GAK: variants seen among roughly 807,000 people sequenced by gnomAD.
GAK encodes cyclin-G-associated kinase.
A neutral mutation model predicts 143.9 loss-of-function variants in GAK; 79 were observed. The observed-to-expected ratio is 0.55, with a 90% CI of 0.46 to 0.66. The LOEUF is 0.66. Ranked by LOEUF, GAK falls within the 30% of genes least tolerant of loss-of-function variation. The probability of loss-of-function intolerance (pLI) is 0.00; values close to 1 mark genes in which losing one functional copy is unlikely to be tolerated. For missense variants in GAK, 1,693 were observed against 1,779.7 expected (o/e 0.95, Z 0.88); for synonymous variants, 881 against 765.5 (o/e 1.15, Z -2.49).
At chr4:903,487 C>T (rs1015701109) in intron 5 of GAK, among the ~76,000 whole-genome samples, 3 of 152,038 alleles carry the variant, frequency 2.0e-5, no homozygotes, top group African/African-American at 7.3e-5. Context: ...TCCAAGAGGC[C>T]GAACCAGGGA....
intron 22 of GAK, among the ~76,000 whole-genome samples, chr4:865,922 C>A (rs1450342233): frequency 6.6e-6 from 1 of 152,260 alleles, no homozygotes; most frequent in African/African-American, 2.4e-5. Flanking sequence ...CTGACCTCCT[C>A]CCCATGGATA....
At chr4:855,235 C>T (rs1201978489) in intron 24 of GAK, among the ~76,000 whole-genome samples, 9 of 152,076 alleles carry the variant, frequency 5.9e-5, no homozygotes, top group Non-Finnish European at 1.2e-4. Flanking sequence ...TCCCTTCACT[C>T]GCATCTCCTC....
intron 9 of GAK, among the ~76,000 whole-genome samples, chr4:891,220 C>CA (rs901063648): frequency 5.9e-5 from 9 of 151,856 alleles, no homozygotes; most frequent in African/African-American, 2.2e-4. Flanking sequence ...CTCGGCTTCC[C>CA]AAAGTGCTAG....
At chr4:915,777 C>T (rs1324130261) in intron 1 of GAK, 2 of 152,172 alleles carry the variant, frequency 1.3e-5, no homozygotes, top group African/African-American at 4.8e-5. Context: ...GGTGCAATGT[C>T]GAATCCTCCC....
At chr4:859,158 C>A (rs530167359) in intron 24 of GAK, 5 of 983,778 alleles carry the variant, frequency 5.1e-6, no homozygotes, top group Admixed American at 1.2e-4. Context: ...GACGTGGGAC[C>A]GGAGACTCAG....
In GAK at chr4:888,929, G is replaced by C; in HGVS notation, c.1123C>G (p.Leu375Val). Reference sequence around the variant, plus strand: ...TCTGTCCCACCCCGCAGAATGTCCAGGAAGCCGCCATACGGCTGGTCGTAC... The same window carrying C: ...TCTGTCCCACCCCGCAGAATGTCCACGAAGCCGCCATACGGCTGGTCGTAC... ...AEYDQPYGGF[L>V]DILRGGTERL... is the part of the protein sequence containing the mutation. Residue 375 changes from leucine (L) to valine (V), a missense_variant, in exon 11 of 28, where the codon CTG (leucine) becomes GTG (valine). By Grantham distance (32) the Leu-to-Val change is conservative (BLOSUM62 1). Coordinates refer to ENST00000314167, the MANE Select transcript of GAK (RefSeq NM_005255.4). 1 of 1,612,480 alleles carries C rather than the reference G, an allele frequency of 6.2e-7. No individual in the cohort carries two copies. The highest frequency in any genetic ancestry group is 8.5e-7 in the Non-Finnish European group (1 of 1,179,716).
intron 13 of GAK, 26 bp downstream of exon 13, chr4:883,289 C>T (rs764156053): frequency 6.2e-7 from 1 of 1,610,568 alleles, no homozygotes; most frequent in Non-Finnish European, 8.5e-7. Context: ...CAGAGTGGCA[C>T]CAAGACAAAG....
chr4:874,263 C>T (rs1418743293), intron 18 of GAK, among the ~76,000 whole-genome samples: 1 of 152,154 alleles, frequency 6.6e-6, no homozygotes, highest in Non-Finnish European at 1.5e-5. Context: ...ACCCACAGGA[C>T]GTTAGTATTG....
chr4:916,104 A>G (rs76160568), intron 1 of GAK, among the ~76,000 whole-genome samples: 1,663 of 152,308 alleles, frequency 0.011, 15 homozygotes, highest in Non-Finnish European at 0.017. Context: ...CAAAAGCAGG[A>G]CCCATAAAAG....
At chr4:858,798 T>G (rs1305788615) in intron 24 of GAK, among the ~76,000 whole-genome samples, 3 of 152,092 alleles carry the variant, frequency 2.0e-5, no homozygotes, top group East Asian at 1.9e-4. Flanking sequence ...TCACAGGAAT[T>G]TGAGGCACTC....
chr4:851,439 CT>C, intron 25 of GAK: 1 of 512,280 alleles, frequency 2.0e-6, no homozygotes, highest in Non-Finnish European at 3.5e-6. Flanking sequence ...CCAATTCCAC[CT>C]GCTGCCCCCG....
intron 5 of GAK, among the ~76,000 whole-genome samples, chr4:902,096 G>A (rs890801967): frequency 1.3e-5 from 2 of 152,176 alleles, no homozygotes; most frequent in East Asian, 1.9e-4. Context: ...AAATTAGCCC[G>A]GCGTGGTGGC....
In GAK at chr4:865,261, A is replaced by C. The variant is rs201339375; in HGVS notation, c.3044-17T>G. On this transcript the variant is annotated splice_polypyrimidine_tract_variant and intron_variant, in intron 22 of 27. Coordinates refer to ENST00000314167, the MANE Select transcript of GAK (RefSeq NM_005255.4). ...GCAGATCCCCTGGGAAGAAGGAACCAGAAGAGAGCACAGTTTGGTGTCTCA... is the reference window on the plus strand; with the variant it reads ...GCAGATCCCCTGGGAAGAAGGAACCCGAAGAGAGCACAGTTTGGTGTCTCA... 1.9e-6 allele frequency: 3 copies of C among 1,612,844 alleles called. No homozygotes were observed. The highest frequency in any genetic ancestry group is 3.3e-5 in the Admixed American group (2 of 59,980).
chr4:885,128 C>A (rs374626509), intron 11 of GAK, among the ~76,000 whole-genome samples: 2 of 151,224 alleles, frequency 1.3e-5, no homozygotes, highest in Non-Finnish European at 2.9e-5. Context: ...CTAAACCCAC[C>A]GAGCAGGTGC....
At chr4:888,783 G>A (rs1406919063) in intron 11 of GAK, 64 bp downstream of exon 11, 8 of 1,542,994 alleles carry the variant, frequency 5.2e-6, no homozygotes, top group Non-Finnish European at 7.0e-6. Context: ...CAGGAAGCAA[G>A]GGCCGGGGCT....
chr4:907,832 G>T (rs1052962347), intron 4 of GAK, among the ~76,000 whole-genome samples: 1 of 152,224 alleles, frequency 6.6e-6, no homozygotes, highest in Non-Finnish European at 1.5e-5. Flanking sequence ...GCTCTCAGCC[G>T]CACATGCTGC....
chr4:849,733 G>A lies in GAK; in HGVS notation c.3876C>T (p.Phe1292=), dbSNP rs561026203. 2.5e-6 allele frequency: 4 copies of A among 1,613,522 alleles called. No homozygotes were observed. In the East Asian group the frequency reaches 6.7e-5, roughly 27 times the overall value. ...CCGACCAGGCGTCATTCAGCTCCAT[G>A]AAGATCATCTTGGCGTGCTGCTCGT... The part of the protein sequence containing the change: ...QPYEQHAKMI[F]MELNDAWSEF... The change falls in exon 28 of 28, where the codon TTC becomes TTT. Residue 1292 remains phenylalanine, a synonymous_variant. Transcript: ENST00000314167.
intron 5 of GAK, among the ~76,000 whole-genome samples, chr4:903,267 G>A (rs536939021): frequency 1.2e-4 from 18 of 152,322 alleles, no homozygotes; most frequent in South Asian, 8.3e-4. Flanking sequence ...CCCACATCAC[G>A]CCAACCCCGG....
intron 1 of GAK, among the ~76,000 whole-genome samples, chr4:926,737 G>C (rs1319365091): frequency 6.6e-6 from 1 of 152,114 alleles, no homozygotes; most frequent in Admixed American, 6.5e-5. Context: ...CCAGGGGGCA[G>C]CTACTCTGTG....
Sources: gnomAD v4.1 joint callset for allele counts (sites outside exome capture counted in the v4.1 genomes callset) on GRCh38, gnomAD v4.1.1 for gene constraint, MANE v1.5 for transcripts, NCBI Gene and HGNC (gene_info 2026-07-23, HGNC 2026-07-21) for gene names.